PRR16: variants seen among roughly 807,000 people sequenced by gnomAD.
PRR16 encodes protein Largen.
Under a neutral mutation model 18.2 loss-of-function variants are expected in PRR16, and 6 were observed. That is an observed-to-expected ratio of 0.33 (90% CI 0.18 to 0.65). PRR16 has a LOEUF of 0.65. Ranked by LOEUF, PRR16 falls within the 30% of genes least tolerant of loss-of-function variation. PRR16 has a pLI of 0.74. For missense variants in PRR16, 412 were observed against 376.6 expected (o/e 1.09, Z -0.78); for synonymous variants, 151 against 147.8 (o/e 1.02, Z -0.16).
intron 1 of PRR16, among the ~76,000 whole-genome samples, chr5:120,679,865 T>C (rs1047894615): frequency 2.0e-5 from 3 of 151,960 alleles, no homozygotes; most frequent in Non-Finnish European, 4.4e-5. Context: ...AATGGGGAAA[T>C]GTAGGTCAAA....
chr5:120,738,478 T>A, the PRR16 span, among the ~76,000 whole-genome samples: 1 of 152,274 alleles, frequency 6.6e-6, no homozygotes, highest in South Asian at 2.1e-4. Flanking sequence ...AGTTTTAATA[T>A]TTACATGACG....
At chr5:120,655,663 A>G (rs1755945534) in intron 1 of PRR16, among the ~76,000 whole-genome samples, 3 of 151,852 alleles carry the variant, frequency 2.0e-5, no homozygotes, top group Non-Finnish European at 2.9e-5. Context: ...ATGGAACACA[A>G]TAAAATAAAA....
At chr5:120,785,714 A>G in the PRR16 span, among the ~76,000 whole-genome samples, 5 of 151,440 alleles carry the variant, frequency 3.3e-5, no homozygotes, top group African/African-American at 1.2e-4. Flanking sequence ...CTGGGACTAC[A>G]GGACCTGCTA....
intron 1 of PRR16, among the ~76,000 whole-genome samples, chr5:120,607,453 A>G (rs765683192): frequency 6.6e-6 from 1 of 152,186 alleles, no homozygotes; most frequent in Non-Finnish European, 1.5e-5. Context: ...ATATTTTACT[A>G]TATAAAGAAG....
chr5:120,614,694 T>C (rs1754448891), intron 1 of PRR16, among the ~76,000 whole-genome samples: 2 of 152,232 alleles, frequency 1.3e-5, no homozygotes, highest in Admixed American at 1.3e-4. Context: ...TCACAAGTTA[T>C]GGCTGGAATG....
chr5:120,555,830 A>T (rs1444026891), intron 1 of PRR16, among the ~76,000 whole-genome samples: 3 of 33,448 alleles, frequency 9.0e-5, no homozygotes, highest in African/African-American at 1.1e-4. Context: ...TTGAGTTTCT[A>T]AAAAAAAAAA....
chr5:120,665,415 C>T (rs1402536980), intron 1 of PRR16, among the ~76,000 whole-genome samples: 1 of 151,896 alleles, frequency 6.6e-6, no homozygotes, highest in African/African-American at 2.4e-5. Flanking sequence ...GTTGCCTGTT[C>T]ACTCTGATGG....
At chr5:120,491,422 TCC>T (rs1462191897) in intron 1 of PRR16, among the ~76,000 whole-genome samples, 86 of 362 alleles carry the variant, frequency 0.24, no homozygotes, top group Non-Finnish European at 0.33. Context: ...ATATACCCTT[TCC>T]TTTCCTTTCC....
At chr5:120,788,887 A>AATGATCTAAATG in the PRR16 span, among the ~76,000 whole-genome samples, 1 of 151,996 alleles carries the variant, frequency 6.6e-6, no homozygotes, top group Non-Finnish European at 1.5e-5. Context: ...TTTAGTACTA[A>AATGATCTAAATG]AACATTGTCT....
the PRR16 span, among the ~76,000 whole-genome samples, chr5:120,737,323 T>G: frequency 1.6e-4 from 24 of 145,966 alleles, 1 homozygote; most frequent in African/African-American, 2.8e-4. Flanking sequence ...TTTTTTTTTT[T>G]TTTTTTTTTT....
At chr5:120,535,066 T>G (rs538453204) in intron 1 of PRR16, among the ~76,000 whole-genome samples, 13 of 122,752 alleles carry the variant, frequency 1.1e-4, no homozygotes, top group Non-Finnish European at 1.8e-4. Flanking sequence ...TTATTTGAAC[T>G]CACTTTACAC....
At chr5:120,689,472 A>G (rs527630385), downstream of PRR16, among the ~76,000 whole-genome samples, 13 of 152,316 alleles carry the variant, frequency 8.5e-5, no homozygotes, top group South Asian at 8.3e-4. Flanking sequence ...ATCATAAAAT[A>G]TAGTACATAT....
the PRR16 span, among the ~76,000 whole-genome samples, chr5:120,785,729 G>A: frequency 1.3e-5 from 2 of 151,300 alleles, no homozygotes; most frequent in Non-Finnish European, 2.9e-5. Flanking sequence ...CTGCTACCAT[G>A]CCTGGCTAGT....
intron 1 of PRR16, among the ~76,000 whole-genome samples, chr5:120,522,593 A>C (rs1751221263): frequency 6.6e-6 from 1 of 151,996 alleles, no homozygotes; most frequent in Non-Finnish European, 1.5e-5. Flanking sequence ...AGATGGGTAG[A>C]TTGCAAAAAT....
chr5:120,641,746 T>C (rs1477947381), intron 1 of PRR16, among the ~76,000 whole-genome samples: 1 of 152,078 alleles, frequency 6.6e-6, no homozygotes, highest in Non-Finnish European at 1.5e-5. Context: ...CAGGGACAAA[T>C]CATCCATATG....
intron 1 of PRR16, among the ~76,000 whole-genome samples, chr5:120,478,861 C>G (rs149967731): frequency 1.3e-5 from 2 of 151,928 alleles, no homozygotes; most frequent in Admixed American, 1.3e-4. Flanking sequence ...GAATATCATG[C>G]ATTTTTCTTG....
intron 1 of PRR16, among the ~76,000 whole-genome samples, chr5:120,481,772 A>AT (rs1381155706): frequency 6.6e-6 from 1 of 152,172 alleles, no homozygotes; most frequent in Non-Finnish European, 1.5e-5. Context: ...AAATTGTAGC[A>AT]TTTTTGTGAA....
intron 1 of PRR16, among the ~76,000 whole-genome samples, chr5:120,488,140 T>G (rs562203594): frequency 6.6e-6 from 1 of 152,332 alleles, no homozygotes; most frequent in South Asian, 2.1e-4. Flanking sequence ...CCGGCTTTGG[T>G]ATCAGGATGA....
the PRR16 span, among the ~76,000 whole-genome samples, chr5:120,764,974 A>G: frequency 4.7e-5 from 7 of 150,174 alleles, no homozygotes; most frequent in Non-Finnish European, 8.9e-5. Flanking sequence ...AGGAATAACC[A>G]TGACTGCAAA....
Sources: gnomAD v4.1 joint callset for allele counts (sites outside exome capture counted in the v4.1 genomes callset) on GRCh38, gnomAD v4.1.1 for gene constraint, MANE v1.5 for transcripts, NCBI Gene and HGNC (gene_info 2026-07-23, HGNC 2026-07-21) for gene names.